The following GPHN variants were observed in gnomAD, a reference collection of about 807,000 sequenced individuals.
The protein encoded by GPHN is gephyrin.
In GPHN, 17 loss-of-function variants were observed where a neutral mutation model predicts 95.5. The observed-to-expected ratio is 0.18, with a 90% CI of 0.12 to 0.27. The LOEUF (loss-of-function observed/expected upper bound fraction) is 0.27. Among genes scored for constraint, GPHN ranks in the 10% least tolerant of loss-of-function variants. GPHN has a pLI of 1.00. For missense variants in GPHN, 660 were observed against 978.1 expected (o/e 0.67, Z 4.34); for synonymous variants, 320 against 322.5 (o/e 0.99, Z 0.08).
intron 10 of GPHN, among the ~76,000 whole-genome samples, chr14:67,033,694 T>G (rs533295405): frequency 6.6e-6 from 1 of 152,174 alleles, no homozygotes; most frequent in African/African-American, 2.4e-5. Context: ...CTTCCCAAAT[T>G]TGATGAAAGA....
At chr14:67,385,408 C>T in the GPHN span, 3 of 147,712 alleles carry the variant, frequency 2.0e-5, no homozygotes, top group Non-Finnish European at 4.5e-5. Context: ...CCAGTGCACT[C>T]GAGCCTGGGT....
At chr14:66,605,799 TG>T (rs1331584451) in intron 1 of GPHN, among the ~76,000 whole-genome samples, 2 of 152,146 alleles carry the variant, frequency 1.3e-5, no homozygotes, top group East Asian at 3.9e-4. Context: ...CCCAAAGTGC[TG>T]GGATTACAGG....
chr14:67,148,895 T>C (rs941890175), intron 18 of GPHN, among the ~76,000 whole-genome samples: 1 of 151,950 alleles, frequency 6.6e-6, no homozygotes, highest in African/African-American at 2.4e-5. Flanking sequence ...ACTTCTCTCA[T>C]TCTCTTTCCT....
At chr14:66,908,233 C>T (rs921721229) in intron 5 of GPHN, among the ~76,000 whole-genome samples, 4 of 151,492 alleles carry the variant, frequency 2.6e-5, no homozygotes, top group African/African-American at 9.7e-5. Flanking sequence ...ACAAGATGAA[C>T]CTGGTATATC....
At chr14:66,889,960 G>T (rs139311193) in intron 5 of GPHN, among the ~76,000 whole-genome samples, 2 of 152,038 alleles carry the variant, frequency 1.3e-5, no homozygotes, top group Non-Finnish European at 2.9e-5. Context: ...AAATAAAAAG[G>T]ACTAGAAGAG....
At chr14:67,469,789 G>A in the GPHN span, among the ~76,000 whole-genome samples, 1 of 152,102 alleles carries the variant, frequency 6.6e-6, no homozygotes, top group Non-Finnish European at 1.5e-5. Flanking sequence ...CTGTTTTTTC[G>A]AAGCATGACT....
the GPHN span, among the ~76,000 whole-genome samples, chr14:67,695,087 C>A: frequency 1.3e-5 from 2 of 152,332 alleles, no homozygotes; most frequent in Admixed American, 6.5e-5. Flanking sequence ...CAGGATAGAG[C>A]TCATAACCAA....
chr14:66,916,108 C>T lies in GPHN; in HGVS notation c.456+39C>T, dbSNP rs748548455. ...ACATATTAATGGTTTAGTGTAAGAGCTTTTGACCAGCCGTGAAAGTTAGCC... is the reference window on the plus strand; with the variant it reads ...ACATATTAATGGTTTAGTGTAAGAGTTTTTGACCAGCCGTGAAAGTTAGCC... On this transcript the variant is annotated intron_variant, in intron 6 of 22. Transcript: ENST00000478722. The T allele has an allele frequency of 9.7e-6, 13 of 1,340,478 alleles. No individual in the cohort carries two copies. In the South Asian group the frequency reaches 1.1e-4, roughly 11 times the overall value. 83.0% of individuals were successfully genotyped at this position (1,340,478 alleles called of 1,614,324 possible).
the GPHN span, among the ~76,000 whole-genome samples, chr14:67,602,234 AG>A: frequency 6.6e-6 from 1 of 152,202 alleles, no homozygotes; most frequent in African/African-American, 2.4e-5. Flanking sequence ...ACATGGCAGC[AG>A]GAGGGGAGTG....
Position 67,023,632 on chromosome 14 carries a change from G to T in GPHN, c.964-1G>T. On this transcript the variant is annotated splice_acceptor_variant, in intron 9 of 22. Coordinates refer to ENST00000478722, the MANE Select transcript of GPHN (RefSeq NM_020806.5). LOFTEE classifies it high-confidence loss of function. ...TTACTGAGTTTATGCTCTTTCTACA[G>T]GTCCAGTCCAGGTGCAGCAGCAAGG... 1 of 1,612,890 alleles carries T rather than the reference G, an allele frequency of 6.2e-7. No homozygotes were observed. The highest frequency in any genetic ancestry group is 8.5e-7 in the Non-Finnish European group (1 of 1,179,044).
chr14:66,683,280 T>C (rs1206725257), intron 2 of GPHN, among the ~76,000 whole-genome samples: 2 of 121,602 alleles, frequency 1.6e-5, no homozygotes, highest in East Asian at 2.5e-4. Context: ...TTTAAAGATA[T>C]ATTTCTCATT....
chr14:67,340,617 AAATT>A, the GPHN span: 1 of 1,003,682 alleles, frequency 1.0e-6, no homozygotes, highest in South Asian at 1.4e-5. Flanking sequence ...CCTAATTGTA[AAATT>A]AATGTGCATT....
the GPHN span, among the ~76,000 whole-genome samples, chr14:67,361,226 AAAC>A: frequency 6.6e-6 from 1 of 152,172 alleles, no homozygotes; most frequent in South Asian, 2.1e-4. Context: ...ATTAAGCAAA[AAAC>A]ATGGTTTCTT....
At chr14:66,533,064 C>T (rs2059005838) in intron 1 of GPHN, among the ~76,000 whole-genome samples, 1 of 152,142 alleles carries the variant, frequency 6.6e-6, no homozygotes, top group Non-Finnish European at 1.5e-5. Flanking sequence ...GTCCACTTGC[C>T]TTCTCCCTAG....
chr14:67,206,047 G>A, the GPHN span, among the ~76,000 whole-genome samples: 1 of 152,246 alleles, frequency 6.6e-6, no homozygotes, highest in African/African-American at 2.4e-5. Context: ...AGCTGGCCAT[G>A]GTGGTGTATG....
At chr14:66,828,619 T>G (rs998231096) in intron 4 of GPHN, among the ~76,000 whole-genome samples, 4 of 151,904 alleles carry the variant, frequency 2.6e-5, no homozygotes, top group Non-Finnish European at 5.9e-5. Flanking sequence ...GCTTAATCTG[T>G]AAAGCACAAA....
the GPHN span, chr14:67,587,601 G>C: frequency 3.4e-6 from 1 of 290,824 alleles, no homozygotes; most frequent in Non-Finnish European, 6.6e-6. Flanking sequence ...CTTTCTGGGG[G>C]GGGCGGGGGA....
At chr14:66,939,322 A>G (rs924433058) in intron 8 of GPHN, among the ~76,000 whole-genome samples, 6 of 152,206 alleles carry the variant, frequency 3.9e-5, no homozygotes, top group African/African-American at 1.4e-4. Flanking sequence ...GAGAACTCCT[A>G]AAACTCAACA....
chr14:66,586,595 T>G (rs2061430802), intron 1 of GPHN, among the ~76,000 whole-genome samples: 1 of 152,182 alleles, frequency 6.6e-6, no homozygotes, highest in South Asian at 2.1e-4. Context: ...GGTGACAACA[T>G]ATCTCAGCAT....
Sources: allele counts gnomAD v4.1 joint callset (sites outside exome capture counted in the v4.1 genomes callset), GRCh38; gene constraint gnomAD v4.1.1; transcripts MANE v1.5; gene names NCBI Gene and HGNC (gene_info 2026-07-23, HGNC 2026-07-21).